Variants in ZNF438 observed in about 807,000 individuals in gnomAD.
The protein encoded by ZNF438 is zinc finger protein 438.
ZNF438 carries 25 observed loss-of-function variants against 38.0 expected under a neutral mutation model. The ratio of observed to expected loss-of-function variants is 0.66; its 90% CI spans 0.48 to 0.92. The LOEUF (loss-of-function observed/expected upper bound fraction) is 0.92, where lower values mean the gene tolerates loss of function less well. ZNF438 is among the 40% of genes least tolerant of loss of function. ZNF438 has a pLI of 0.00. For synonymous variants in ZNF438, 372 were observed against 364.1 expected, an observed-to-expected ratio of 1.02 and a Z score of -0.25; for missense variants, 1,007 against 999.6, an observed-to-expected ratio of 1.01 and a Z score of -0.10.
intron 2 of ZNF438, among the ~76,000 whole-genome samples, chr10:30,936,114 C>G (rs1304263121): frequency 1.3e-5 from 2 of 152,180 alleles, no homozygotes; most frequent in Non-Finnish European, 2.9e-5. Context: ...GACAGTCAGA[C>G]AGCCAGACCT....
At chr10:30,963,689 G>A (rs771787003) in intron 1 of ZNF438, among the ~76,000 whole-genome samples, 4 of 151,970 alleles carry the variant, frequency 2.6e-5, no homozygotes, top group Non-Finnish European at 4.4e-5. Context: ...AGACCAGCCC[G>A]GCCAAGATGG....
intron 4 of ZNF438, 113 bp downstream of exon 5, chr10:30,876,879 AATTTTT>A (rs1469399151): frequency 3.0e-6 from 2 of 668,922 alleles, no homozygotes; most frequent in African/African-American, 3.8e-5. Context: ...ATATAATTAT[AATTTTT>A]ATTTTTAATT....
At chr10:30,949,840 A>G (rs1394787914) in intron 1 of ZNF438, among the ~76,000 whole-genome samples, 1 of 152,050 alleles carries the variant, frequency 6.6e-6, no homozygotes, top group African/African-American at 2.4e-5. Context: ...CAGATCAACG[A>G]GACAGAAAGT....
intron 2 of ZNF438, among the ~76,000 whole-genome samples, chr10:30,909,549 A>G (rs147558639): frequency 1.3e-3 from 198 of 152,280 alleles, no homozygotes; most frequent in African/African-American, 4.5e-3. Flanking sequence ...TTTTAACTTT[A>G]ATTTTCTTTT....
intron 5 of ZNF438, among the ~76,000 whole-genome samples, chr10:30,847,390 G>A (rs1162157749): frequency 4.6e-5 from 7 of 152,148 alleles, no homozygotes; most frequent in East Asian, 1.9e-4. Flanking sequence ...AAGAGATGAC[G>A]GGGAAAACCT....
At chr10:30,980,769 T>C (rs559983772) in intron 1 of ZNF438, among the ~76,000 whole-genome samples, 1 of 152,150 alleles carries the variant, frequency 6.6e-6, no homozygotes, top group Non-Finnish European at 1.5e-5. Flanking sequence ...CCCTGAGAAA[T>C]GTCAACTTTT....
intron 4 of ZNF438, among the ~76,000 whole-genome samples, chr10:30,876,494 T>A (rs1588948412): frequency 2.0e-5 from 3 of 152,342 alleles, no homozygotes; most frequent in Admixed American, 2.0e-4. Context: ...TTATTTTTTA[T>A]ACATTGCAAA....
chr10:31,004,874 G>A (rs1350080215), intron 1 of ZNF438, among the ~76,000 whole-genome samples: 1 of 152,152 alleles, frequency 6.6e-6, no homozygotes, highest in African/African-American at 2.4e-5. Context: ...CTTCCTATAT[G>A]CTTTTAACTG....
At chr10:31,013,115 C>T (rs1024454446) in intron 1 of ZNF438, among the ~76,000 whole-genome samples, 10 of 152,052 alleles carry the variant, frequency 6.6e-5, no homozygotes, top group Admixed American at 2.6e-4. Context: ...GTCAGGAGAT[C>T]GAGACCATCC....
chr10:31,023,622 C>T (rs565614329), intron 1 of ZNF438, among the ~76,000 whole-genome samples: 1 of 152,316 alleles, frequency 6.6e-6, no homozygotes, highest in Admixed American at 6.5e-5. Flanking sequence ...TATTCTTCAA[C>T]TTCAAGAAAG....
Position 31,016,728 on chromosome 10 carries a change from A to G in ZNF438, c.-192+15105T>C, listed in dbSNP as rs115385025. ...ATACAAATATGTTTTTAAAAGTAGC[A>G]TATGTCACTTCCACTCTCATCCCAC... On this transcript the variant is annotated intron_variant, in intron 1 of 5. Transcript: ENST00000413025. 5.6e-3 allele frequency among the ~76,000 whole-genome samples: 854 copies of G among 152,376 alleles called. 12 individuals are homozygous for G. The highest frequency in any genetic ancestry group is 0.02 in the African/African-American group (820 of 41,588).
At chr10:31,007,870 T>C (rs1444089963) in intron 1 of ZNF438, among the ~76,000 whole-genome samples, 2 of 152,212 alleles carry the variant, frequency 1.3e-5, no homozygotes, top group Non-Finnish European at 2.9e-5. Flanking sequence ...TAAGACATCT[T>C]ACTTTGTCTC....
chr10:30,970,823 A>G (rs983931441), intron 1 of ZNF438, among the ~76,000 whole-genome samples: 7 of 152,222 alleles, frequency 4.6e-5, no homozygotes, highest in African/African-American at 1.7e-4. Flanking sequence ...CATCACAGGC[A>G]TAGGCTTTTC....
chr10:30,845,093 C>T lies in ZNF438; in HGVS notation c.2355G>A (p.Leu785=), dbSNP rs748186079. Reference sequence around the variant, plus strand: ...GGTGGAGGAGGTCCTCTTTCCGTCCCAGCATCTCTGCACAAAGCAGGCAGT... The same window carrying T: ...GGTGGAGGAGGTCCTCTTTCCGTCCTAGCATCTCTGCACAAAGCAGGCAGT... The change falls in exon 6 of 6, where the codon CTG becomes CTA. Residue 785 remains leucine (L), a synonymous_variant. Coordinates refer to ENST00000413025, the Ensembl canonical transcript of ZNF438. The T allele has an allele frequency of 4.3e-6, 7 of 1,614,068 alleles. No individual in the cohort carries two copies. In the African/African-American group the frequency reaches 5.3e-5, roughly 12 times the overall value.
At chr10:30,904,903 A>T (rs2042419115) in intron 3 of ZNF438, among the ~76,000 whole-genome samples, 5 of 152,128 alleles carry the variant, frequency 3.3e-5, no homozygotes. Context: ...CCTGTTAATA[A>T]TCTTAGTGGC....
chr10:30,845,551 C>T, exon 6 of ZNF438: 1 of 1,612,018 alleles, frequency 6.2e-7, no homozygotes, highest in South Asian at 1.1e-5. Context: ...AGGAAGTCTT[C>T]TTCCAGGTTG....
At chr10:30,931,674 C>T (rs773414669) in intron 2 of ZNF438, among the ~76,000 whole-genome samples, 9 of 152,128 alleles carry the variant, frequency 5.9e-5, no homozygotes, top group East Asian at 1.9e-4. Context: ...CTCTATAGTA[C>T]GAAAAACCCA....
Position 30,848,941 on chromosome 10 carries a change from G to A in ZNF438, c.1464C>T (p.Ser488=), listed in dbSNP as rs767909588. Reference sequence around the variant, plus strand: ...TTCTGAACACGGAGCTGGGCTTAGGGGAAGAGCTGTTGTCTTGCTTACAGC... The same window carrying A: ...TTCTGAACACGGAGCTGGGCTTAGGAGAAGAGCTGTTGTCTTGCTTACAGC... The change falls in exon 5 of 6, where the codon TCC becomes TCT. Residue 488 remains serine (S), a synonymous_variant. Transcript: ENST00000413025. 1.2e-5 allele frequency: 20 copies of A among 1,613,918 alleles called. No homozygotes were observed. In the East Asian group the frequency reaches 3.1e-4, roughly 25 times the overall value.
intron 1 of ZNF438, among the ~76,000 whole-genome samples, chr10:31,020,165 C>A (rs1288145169): frequency 6.6e-6 from 1 of 152,070 alleles, no homozygotes; most frequent in Non-Finnish European, 1.5e-5. Flanking sequence ...TGCTAGTAAC[C>A]ATATTCAGGA....
Sources: allele counts gnomAD v4.1 joint callset (sites outside exome capture counted in the v4.1 genomes callset), GRCh38; gene constraint gnomAD v4.1.1; transcripts MANE v1.5; gene names NCBI Gene and HGNC (gene_info 2026-07-23, HGNC 2026-07-21).